TUBB8: variants seen among roughly 807,000 people sequenced by gnomAD.
TUBB8 encodes tubulin beta 8 class VIII, also known as tubulin beta-8 chain.
A neutral mutation model predicts 33.7 loss-of-function variants in TUBB8; 25 were observed. The ratio of observed to expected loss-of-function variants is 0.74; its 90% confidence interval spans 0.54 to 1.04. TUBB8 has a LOEUF of 1.04. TUBB8 is among the 50% of genes least tolerant of loss of function. The probability of loss-of-function intolerance (pLI) is 0.00; values close to 1 mark genes in which losing one functional copy is unlikely to be tolerated. For synonymous variants in TUBB8, 245 were observed against 240.1 expected, an observed-to-expected ratio of 1.02 and a Z score of -0.19; for missense variants, 279 against 608.0, an observed-to-expected ratio of 0.46 and a Z score of 5.69.
At chr10:60,701 T>C (rs1834587173) in intron 1 of TUBB8, among the ~76,000 whole-genome samples, 1 of 152,162 alleles carries the variant, frequency 6.6e-6, no homozygotes, top group African/African-American at 2.4e-5. Flanking sequence ...AGAAATACCA[T>C]TTGACCCAGC....
At chr10:56,940 C>G (rs1286055617) in intron 1 of TUBB8, among the ~76,000 whole-genome samples, 1 of 151,970 alleles carries the variant, frequency 6.6e-6, no homozygotes, top group African/African-American at 2.4e-5. Flanking sequence ...TCCTATAAGC[C>G]TGTAAAATAA....
chr10:75,166 A>G (rs1834794342), upstream of TUBB8, among the ~76,000 whole-genome samples: 1 of 132,026 alleles, frequency 7.6e-6, no homozygotes, highest in Non-Finnish European at 1.6e-5. Flanking sequence ...TACAGGCGTG[A>G]GCCACCGCGC....
chr10:46,787 T>C (rs1242560596), downstream of TUBB8: 4 of 419,624 alleles, frequency 9.5e-6, no homozygotes, highest in Non-Finnish European at 1.8e-5. Context: ...TGCTTGTTCC[T>C]GGGCATGTGA....
At chr10:69,922 C>G (rs1299575641) in intron 1 of TUBB8, among the ~76,000 whole-genome samples, 1 of 152,192 alleles carries the variant, frequency 6.6e-6, no homozygotes, top group Non-Finnish European at 1.5e-5. Context: ...GGGAGCCAGA[C>G]AGAATTCTCT....
At chr10:65,187 G>T (rs184034013) in intron 1 of TUBB8, among the ~76,000 whole-genome samples, 7 of 152,258 alleles carry the variant, frequency 4.6e-5, no homozygotes, top group Non-Finnish European at 7.4e-5. Flanking sequence ...AAGGCTACAG[G>T]CACTCTCTTG....
At chr10:66,849 T>A (rs1834677566) in intron 1 of TUBB8, among the ~76,000 whole-genome samples, 1 of 152,100 alleles carries the variant, frequency 6.6e-6, no homozygotes, top group African/African-American at 2.4e-5. Flanking sequence ...GGTGCATACC[T>A]GTAGCCCCAG....
chr10:51,147 A>G (rs1834464135), upstream of TUBB8, among the ~76,000 whole-genome samples: 1 of 152,042 alleles, frequency 6.6e-6, no homozygotes, highest in Non-Finnish European at 1.5e-5. Flanking sequence ...TTATTTATTT[A>G]TTTTTGAGAC....
At position 47,195 on chromosome 10, in the gene TUBB8, C is replaced by A; in HGVS notation, c.1197G>T (p.Thr399=). Residue 399 remains threonine, a synonymous_variant, in exon 4 of 4, where the codon ACG becomes ACT. Transcript: ENST00000568584. ...ATTCCATCTCATCCATGCCCTCGCC[C>A]GTGTACCAGTGGAGGAAGGCCTTGC... ...FRRKAFLHWY[T]GEGMDEMEFT... 6.2e-7 allele frequency: 1 copy of A among 1,612,224 alleles called. No homozygotes were observed. The highest frequency in any genetic ancestry group is 8.5e-7 in the Non-Finnish European group (1 of 1,179,494).
At chr10:53,208 A>T (rs1330221230), upstream of TUBB8, among the ~76,000 whole-genome samples, 4 of 152,134 alleles carry the variant, frequency 2.6e-5, no homozygotes, top group Non-Finnish European at 5.9e-5. Flanking sequence ...CCTTACTGAA[A>T]CGTCTGCCTC....
chr10:55,271 G>C (rs1834516327), intron 1 of TUBB8, among the ~76,000 whole-genome samples: 1 of 152,296 alleles, frequency 6.6e-6, no homozygotes, highest in East Asian at 1.9e-4. Flanking sequence ...AGAACAACCT[G>C]GAGGGAACCA....
chr10:74,635 A>C (rs1834785284), upstream of TUBB8, among the ~76,000 whole-genome samples: 1 of 150,980 alleles, frequency 6.6e-6, no homozygotes, highest in South Asian at 2.1e-4. Flanking sequence ...CAAAAAAAAA[A>C]AAAAAAAAGA....
chr10:52,548 G>T (rs1220518814), upstream of TUBB8, among the ~76,000 whole-genome samples: 4 of 152,364 alleles, frequency 2.6e-5, no homozygotes, highest in East Asian at 7.7e-4. Context: ...ACTATAAAGA[G>T]AAAGAGTTAT....
At chr10:49,407 C>T (rs1588273184), upstream of TUBB8, 14 of 735,528 alleles carry the variant, frequency 1.9e-5, no homozygotes, top group East Asian at 3.8e-4. Context: ...GGTGCACCCA[C>T]CTGTGGATCC....
intron 1 of TUBB8, among the ~76,000 whole-genome samples, chr10:72,557 C>CAAAAAA (rs1834751280): frequency 6.6e-6 from 1 of 150,642 alleles, no homozygotes; most frequent in African/African-American, 2.4e-5. Flanking sequence ...GACTCCATGT[C>CAAAAAA]AAAAAAAGAA....
rs563335876 is a variant in TUBB8, at chr10:60,301, G to A, written c.-845-10068C>T. ...AGAGTGAACAGGCAACCTACAAAAT[G>A]GGAGAAAATTTTTGCAACCTACTCA... On this transcript the variant is annotated intron_variant, in intron 1 of 3. Coordinates refer to the TUBB8 transcript ENST00000564130. Among the ~76,000 whole-genome samples, 180 of 152,038 alleles carry A rather than the reference G, an allele frequency of 1.2e-3. 1 individual carries two copies. The highest frequency in any genetic ancestry group is 4.1e-3 in the African/African-American group (172 of 41,498).
chr10:48,658 C>T lies in TUBB8; in HGVS notation c.234G>A (p.Ser78=). Residue 78 remains serine (S), a synonymous_variant, in exon 3 of 4, where the codon TCG becomes TCA. Transcript: ENST00000568584. ...GCCTGAAGACCTGCCCGAAGGGCCC[C>T]GAGCGCACAGAGTCCATGGTGCCCG... The part of the protein sequence containing the change: ...LEPGTMDSVR[S]GPFGQVFRPD... 1 of 1,612,178 alleles carries T rather than the reference C, an allele frequency of 6.2e-7. No homozygotes were observed. The highest frequency in any genetic ancestry group is 8.5e-7 in the Non-Finnish European group (1 of 1,179,836).
At chr10:59,305 C>T (rs1339660450) in intron 1 of TUBB8, among the ~76,000 whole-genome samples, 2 of 152,184 alleles carry the variant, frequency 1.3e-5, no homozygotes, top group African/African-American at 4.8e-5. Context: ...TCTCCTGCCT[C>T]AGCCTTCCAA....
At chr10:60,490 T>C (rs1554740707) in intron 1 of TUBB8, among the ~76,000 whole-genome samples, 1 of 152,190 alleles carries the variant, frequency 6.6e-6, no homozygotes, top group Admixed American at 6.5e-5. Context: ...TCATCATCAC[T>C]GGCCATCAGA....
chr10:70,003 A>C (rs1201537423), intron 1 of TUBB8, among the ~76,000 whole-genome samples: 1 of 152,172 alleles, frequency 6.6e-6, no homozygotes, highest in Non-Finnish European at 1.5e-5. Flanking sequence ...AAATTTAACC[A>C]AGCTAAACAA....
Sources: gnomAD v4.1 joint callset for allele counts (sites outside exome capture counted in the v4.1 genomes callset) on GRCh38, gnomAD v4.1.1 for gene constraint, MANE v1.5 for transcripts, NCBI Gene and HGNC (gene_info 2026-07-23, HGNC 2026-07-21) for gene names.